Variants in LARGE1 observed in about 807,000 individuals in gnomAD.
LARGE1 encodes xylosyl- and glucuronyltransferase LARGE1.
In LARGE1, 43 loss-of-function variants were observed where a neutral mutation model predicts 87.6. The observed-to-expected ratio is 0.49, with a 90% CI of 0.38 to 0.63. LARGE1 has a LOEUF of 0.63. Among genes scored for constraint, LARGE1 ranks in the 30% least tolerant of loss-of-function variants. The probability of loss-of-function intolerance (pLI) is 0.00; values close to 1 mark genes in which losing one functional copy is unlikely to be tolerated. For synonymous variants in LARGE1, 434 were observed against 394.6 expected (o/e 1.10, Z -1.18); for missense variants, 802 against 1,000.2 (o/e 0.80, Z 2.67).
At chr22:33,145,962 G>C in the LARGE1 span, among the ~76,000 whole-genome samples, 2 of 152,162 alleles carry the variant, frequency 1.3e-5, no homozygotes, top group Non-Finnish European at 1.5e-5. Context: ...AAAACAGGGA[G>C]AGAGAGGAAG....
chr22:33,203,093 CTCTCTCTCTGTG>C (rs1320058002), intron 11 of LARGE1, among the ~76,000 whole-genome samples: 5 of 137,290 alleles, frequency 3.6e-5, no homozygotes, highest in Admixed American at 7.5e-5. Flanking sequence ...CTCTCTCTCT[CTCTCTCTCTGTG>C]TGTGTGTGTG....
chr22:33,396,206 C>G (rs574378954), intron 7 of LARGE1, among the ~76,000 whole-genome samples: 6 of 152,378 alleles, frequency 3.9e-5, no homozygotes, highest in African/African-American at 1.4e-4. Context: ...CTCAGAAATG[C>G]TGATAAAAAT....
chr22:33,434,945 T>C (rs1320523842), intron 6 of LARGE1, among the ~76,000 whole-genome samples: 1 of 152,168 alleles, frequency 6.6e-6, no homozygotes, highest in African/African-American at 2.4e-5. Flanking sequence ...TTCATTCCCA[T>C]ATTAGATGGA....
intron 2 of LARGE1, among the ~76,000 whole-genome samples, chr22:33,697,922 A>G (rs1387306370): frequency 2.0e-5 from 3 of 152,240 alleles, no homozygotes; most frequent in African/African-American, 4.8e-5. Flanking sequence ...GATGACAGCA[A>G]TAAGCATATC....
chr22:33,290,205 C>T (rs1932279444), intron 12 of LARGE1, among the ~76,000 whole-genome samples: 1 of 152,138 alleles, frequency 6.6e-6, no homozygotes, highest in Non-Finnish European at 1.5e-5. Flanking sequence ...CCATCCTTTC[C>T]TCTAGAGGCA....
At chr22:33,355,631 T>TTTA (rs1569088091) in intron 9 of LARGE1, among the ~76,000 whole-genome samples, 3 of 122,218 alleles carry the variant, frequency 2.5e-5, no homozygotes, top group Non-Finnish European at 4.1e-5. Context: ...TTCCAGAATC[T>TTTA]CAAAAGTAGA....
At chr22:33,129,715 G>C in the LARGE1 span, among the ~76,000 whole-genome samples, 1 of 152,174 alleles carries the variant, frequency 6.6e-6, no homozygotes, top group Admixed American at 6.5e-5. Context: ...GGAAGGCAAA[G>C]GAGAAGCAGG....
intron 10 of LARGE1, among the ~76,000 whole-genome samples, chr22:33,322,218 C>T (rs907097228): frequency 6.6e-6 from 1 of 152,180 alleles, no homozygotes; most frequent in Non-Finnish European, 1.5e-5. Context: ...TAAAAAGCAT[C>T]CATATGGTGA....
At chr22:33,644,261 G>A (rs555619140) in intron 3 of LARGE1, among the ~76,000 whole-genome samples, 4 of 152,204 alleles carry the variant, frequency 2.6e-5, no homozygotes, top group African/African-American at 4.8e-5. Flanking sequence ...TTCAACACAC[G>A]CAAATCAATA....
rs537045700 is a variant in LARGE1, at chr22:33,334,055, A to G, written c.1287+3591T>C. Among the ~76,000 whole-genome samples, 170 of 151,892 alleles carry G rather than the reference A, an allele frequency of 1.1e-3. 1 individual carries two copies. Among genetic ancestry groups the G allele is most frequent in the African/African-American group, 4.0e-3 (165 of 41,370 alleles). ...GAAGAATTGCTTGAATCTGGGAGGGAGAGGTTGCCATGAGCCGAGATCGCG... is the reference window on the plus strand; with the variant it reads ...GAAGAATTGCTTGAATCTGGGAGGGGGAGGTTGCCATGAGCCGAGATCGCG... On this transcript the variant is annotated intron_variant, in intron 10 of 14. Coordinates refer to ENST00000397394, the MANE Select transcript of LARGE1 (RefSeq NM_133642.5).
intron 6 of LARGE1, among the ~76,000 whole-genome samples, chr22:33,481,041 C>G (rs1172539738): frequency 6.6e-6 from 1 of 151,862 alleles, no homozygotes; most frequent in Non-Finnish European, 1.5e-5. Context: ...GCTCCCTATT[C>G]TCATCTCTTA....
At chr22:33,830,859 T>G (rs3819673) in intron 1 of LARGE1, among the ~76,000 whole-genome samples, 1 of 152,300 alleles carries the variant, frequency 6.6e-6, no homozygotes, top group East Asian at 1.9e-4. Flanking sequence ...TGCCCTCACG[T>G]AGAAGAAGAG....
chr22:33,596,070 GAAGA>G (rs1350853986), intron 5 of LARGE1, among the ~76,000 whole-genome samples: 1 of 152,148 alleles, frequency 6.6e-6, no homozygotes. Flanking sequence ...GAATATTATA[GAAGA>G]AAGTGGAAGG....
chr22:33,709,686 C>T (rs566780412), intron 2 of LARGE1, among the ~76,000 whole-genome samples: 22 of 148,776 alleles, frequency 1.5e-4, no homozygotes, highest in African/African-American at 5.0e-4. Flanking sequence ...AGTGCAGTGG[C>T]GCGATCTCAG....
chr22:33,377,706 C>CCAATGAGA (rs1185111342), intron 9 of LARGE1, among the ~76,000 whole-genome samples: 1 of 152,172 alleles, frequency 6.6e-6, no homozygotes, highest in Non-Finnish European at 1.5e-5. Flanking sequence ...TTCTGATAGT[C>CCAATGAGA]CAATGAGACA....
At chr22:33,812,715 A>T (rs1465521580) in intron 1 of LARGE1, among the ~76,000 whole-genome samples, 1 of 152,228 alleles carries the variant, frequency 6.6e-6, no homozygotes, top group African/African-American at 2.4e-5. Context: ...TCATTCCATA[A>T]GCACAGTCAA....
chr22:33,196,901 T>G (rs1182090756), intron 11 of LARGE1, among the ~76,000 whole-genome samples: 1 of 152,160 alleles, frequency 6.6e-6, no homozygotes, highest in Non-Finnish European at 1.5e-5. Context: ...TACTCATGAC[T>G]AGCATAATGT....
intron 6 of LARGE1, among the ~76,000 whole-genome samples, chr22:33,550,116 G>A (rs1270923048): frequency 6.7e-6 from 1 of 150,066 alleles, no homozygotes; most frequent in African/African-American, 2.5e-5. Context: ...TGCACATTGT[G>A]CACATGTACC....
chr22:33,310,007 C>T lies in LARGE1; in HGVS notation c.1452-5500G>A, dbSNP rs563517121. On this transcript the variant is annotated intron_variant, in intron 11 of 14. Coordinates refer to ENST00000397394, the MANE Select transcript of LARGE1 (RefSeq NM_133642.5). ...GCCTGTTACATGGAGAAAAAATTAC[C>T]TTTCACTCTCCAGAACGGTCAGTGC... Among the ~76,000 whole-genome samples the T allele has an allele frequency of 5.3e-5, 8 of 152,272 alleles. No homozygotes were observed. The East Asian group carries it at 1.5e-3, about 29-fold the overall frequency.
Sources: allele counts gnomAD v4.1 joint callset (sites outside exome capture counted in the v4.1 genomes callset), GRCh38; gene constraint gnomAD v4.1.1; transcripts MANE v1.5; gene names NCBI Gene and HGNC (gene_info 2026-07-23, HGNC 2026-07-21).